Variants in GRIN2A observed in about 807,000 individuals in gnomAD.
GRIN2A encodes glutamate receptor ionotropic, NMDA 2A.
In GRIN2A, 22 loss-of-function variants were observed where a neutral mutation model predicts 113.4. The ratio of observed to expected loss-of-function variants is 0.19; its 90% CI spans 0.14 to 0.28. GRIN2A has a LOEUF of 0.28. Among genes scored for constraint, GRIN2A ranks in the 10% least tolerant of loss-of-function variants. GRIN2A has a pLI of 1.00. For missense variants in GRIN2A, 1,502 were observed against 1,887.0 expected, an observed-to-expected ratio of 0.80 and a Z score of 3.78; for synonymous variants, 827 against 738.4, an observed-to-expected ratio of 1.12 and a Z score of -1.94.
chr16:10,040,990 G>A lies in GRIN2A; in HGVS notation c.415-102439C>T, dbSNP rs78708312. ...AGCCCTTCCTTCTCTGCCTCCACCT[G>A]ACATCAAAGCCCCCTGGCAAAGTAA... On this transcript the variant is annotated intron_variant, in intron 2 of 12. Coordinates refer to ENST00000330684, the MANE Select transcript of GRIN2A (RefSeq NM_001134407.3). Among the ~76,000 whole-genome samples the A allele has an allele frequency of 9.7e-3, 1,485 of 152,356 alleles. 20 individuals carry two copies. The highest frequency in any genetic ancestry group is 0.034 in the African/African-American group (1,411 of 41,574).
intron 2 of GRIN2A, among the ~76,000 whole-genome samples, chr16:10,066,306 C>A (rs1234543698): frequency 6.6e-6 from 1 of 152,156 alleles, no homozygotes; most frequent in East Asian, 1.9e-4. Context: ...CGCTGGGCTC[C>A]TTCCTGGAGT....
In GRIN2A at chr16:9,769,467, T is replaced by C. The variant is rs12708632; in HGVS notation, c.2357-378A>G. Among the ~76,000 whole-genome samples, 3 of 137,272 alleles carry C rather than the reference T, an allele frequency of 2.2e-5. No individual in the cohort carries two copies. The South Asian group carries it at 6.7e-4, about 31-fold the overall frequency. 90.1% of individuals were successfully genotyped at this position (137,272 alleles called of 152,430 possible). ...GAGTTTTGTCTTTTTTTTTTTTTTT[T>C]TTTTGGTCATTATTATGTTTTTCTG... On this transcript the variant is annotated intron_variant, in intron 11 of 12. Transcript: ENST00000330684.
intron 5 of GRIN2A, among the ~76,000 whole-genome samples, chr16:9,842,469 G>T (rs2042697756): frequency 1.3e-5 from 2 of 152,084 alleles, no homozygotes; most frequent in Admixed American, 1.3e-4. Context: ...CCACACATTG[G>T]AGTGTTACCT....
chr16:9,795,680 T>C (rs1025327859), intron 11 of GRIN2A, among the ~76,000 whole-genome samples: 7 of 152,204 alleles, frequency 4.6e-5, no homozygotes, highest in African/African-American at 1.4e-4. Flanking sequence ...CTATGCACTT[T>C]ACATGTATTC....
At chr16:10,076,370 C>A (rs2047872737) in intron 2 of GRIN2A, among the ~76,000 whole-genome samples, 1 of 152,152 alleles carries the variant, frequency 6.6e-6, no homozygotes, top group Non-Finnish European at 1.5e-5. Context: ...CCCACAAAAC[C>A]CCTAGCCACA....
chr16:9,819,692 A>T (rs977131301), intron 10 of GRIN2A, among the ~76,000 whole-genome samples: 6 of 152,008 alleles, frequency 3.9e-5, no homozygotes, highest in Admixed American at 3.3e-4. Context: ...GGCTGGGTGC[A>T]GTGGCTCATG....
intron 9 of GRIN2A, among the ~76,000 whole-genome samples, chr16:9,829,058 C>A (rs1257264777): frequency 6.6e-6 from 1 of 152,158 alleles, no homozygotes; most frequent in Non-Finnish European, 1.5e-5. Context: ...AATTTCTTCT[C>A]ATCCAGGAAA....
At chr16:9,859,609 TACACACAC>T (rs55697606) in intron 4 of GRIN2A, among the ~76,000 whole-genome samples, 42 of 141,246 alleles carry the variant, frequency 3.0e-4, no homozygotes, top group African/African-American at 8.5e-4. Flanking sequence ...CTCGAACCTC[TACACACAC>T]ACACACACAC....
At position 10,012,809 on chromosome 16, in the gene GRIN2A, C is replaced by T. The variant is rs12102702; in HGVS notation, c.415-74258G>A. On this transcript the variant is annotated intron_variant, in intron 2 of 12. Coordinates refer to ENST00000330684, the MANE Select transcript of GRIN2A (RefSeq NM_001134407.3). The stretch of plus-strand genomic sequence containing the variant: ...CTAGAGCCTCCAGAAAGAGTTCAGC[C>T]CTACTAACACCTTGATTTTAGCTCC... Among the ~76,000 whole-genome samples, 650 of 152,252 alleles carry T rather than the reference C, an allele frequency of 4.3e-3. 3 individuals carry two copies. The highest frequency in any genetic ancestry group is 0.014 in the African/African-American group (596 of 41,536).
rs2042669997 is a variant in GRIN2A at position 9,841,095 on chromosome 16, G to T, written c.1338C>A (p.Thr446=). Residue 446 remains threonine, a synonymous_variant, in exon 6 of 13, where the codon ACC becomes ACA. Coordinates refer to ENST00000330684, the MANE Select transcript of GRIN2A (RefSeq NM_001134407.3). ...CRKFVKINNS[T]NEGMNVKKCC... is the part of the protein sequence containing the mutation. ...ATTTCTTCACATTCATCCCCTCATT[G>T]GTTGAATTGCTGTAAAGAAAAACCC... 1 of 1,613,300 alleles carries T rather than the reference G, an allele frequency of 6.2e-7. No homozygotes were observed. Among genetic ancestry groups the T allele is most frequent in the Non-Finnish European group, 8.5e-7 (1 of 1,179,374 alleles).
intron 3 of GRIN2A, among the ~76,000 whole-genome samples, chr16:9,918,770 A>T (rs1230891315): frequency 6.6e-6 from 1 of 152,124 alleles, no homozygotes; most frequent in East Asian, 1.9e-4. Flanking sequence ...TAATTAACAT[A>T]ATATTATACA....
At position 9,816,347 on chromosome 16, in the gene GRIN2A, G is replaced by A. The variant is rs567921846; in HGVS notation, c.2168+5917C>T. Among the ~76,000 whole-genome samples, 4 of 152,236 alleles carry A rather than the reference G, an allele frequency of 2.6e-5. No homozygotes were observed. In the East Asian group the frequency reaches 7.7e-4, roughly 29 times the overall value. ...AATTCTTCTAACTACTGCATGTAAA[G>A]GAAACCAACAGAGACCTGTTTTTTA... is the stretch of plus-strand genomic sequence containing the variant. On this transcript the variant is annotated intron_variant, in intron 10 of 12. Transcript: ENST00000330684.
intron 2 of GRIN2A, among the ~76,000 whole-genome samples, chr16:9,983,699 A>G (rs577444675): frequency 1.3e-5 from 2 of 152,296 alleles, no homozygotes; most frequent in South Asian, 2.1e-4. Flanking sequence ...TTGGCCTCCC[A>G]AAGTGCTGGG....
At chr16:10,140,141 G>A (rs114806640) in intron 2 of GRIN2A, among the ~76,000 whole-genome samples, 1,660 of 152,282 alleles carry the variant, frequency 0.011, 36 homozygotes, top group African/African-American at 0.039. Flanking sequence ...ATATAACTCA[G>A]TGTAGTTCCA....
chr16:9,988,894 G>C (rs11641062), intron 2 of GRIN2A, among the ~76,000 whole-genome samples: 87,640 of 151,938 alleles, frequency 0.58, 25,724 homozygotes, highest in African/African-American at 0.65. Flanking sequence ...GACAGGAGGA[G>C]GGTCCTACAA....
At chr16:10,109,793 T>C (rs114651255) in intron 2 of GRIN2A, among the ~76,000 whole-genome samples, 2,183 of 152,258 alleles carry the variant, frequency 0.014, 58 homozygotes, top group African/African-American at 0.05. Flanking sequence ...GGAGACCTCA[T>C]TTTCCATGAT....
intron 11 of GRIN2A, among the ~76,000 whole-genome samples, chr16:9,792,290 A>T (rs886397143): frequency 6.6e-6 from 1 of 152,122 alleles, no homozygotes; most frequent in East Asian, 1.9e-4. Flanking sequence ...TGACATGATC[A>T]TGGCTCACTG....
chr16:9,764,935 C>T lies in GRIN2A; in HGVS notation c.2609G>A (p.Cys870Tyr), dbSNP rs1900825272. 1 of 1,614,012 alleles carries T rather than the reference C, an allele frequency of 6.2e-7. No homozygotes were observed. Among genetic ancestry groups the T allele is most frequent in the African/African-American group, 1.3e-5 (1 of 74,936 alleles). Residue 870 changes from cysteine to tyrosine, a missense_variant, in exon 13 of 13, where the codon TGC becomes TAC. Cys to Tyr is a radical substitution (Grantham distance 194). Coordinates refer to ENST00000330684, the MANE Select transcript of GRIN2A (RefSeq NM_001134407.3). Reference protein sequence around the residue: ...LFSISRGIYSCIHGVHIEEKK... With the variant: ...LFSISRGIYSYIHGVHIEEKK... ...TTCTTCAATGTGCACTCCATGAATG[C>T]AGCTGTAGATGCCCTGTAGGGGAGC...
At chr16:9,967,705 C>A (rs1220528085) in intron 2 of GRIN2A, among the ~76,000 whole-genome samples, 1 of 147,578 alleles carries the variant, frequency 6.8e-6, no homozygotes, top group Admixed American at 6.8e-5. Flanking sequence ...GACTCCATCT[C>A]AAAAAAAAAA....
Sources: gnomAD v4.1 joint callset for allele counts (sites outside exome capture counted in the v4.1 genomes callset) on GRCh38, gnomAD v4.1.1 for gene constraint, MANE v1.5 for transcripts, NCBI Gene and HGNC (gene_info 2026-07-23, HGNC 2026-07-21) for gene names.